The following SNX8 variants were observed in gnomAD, a reference collection of about 807,000 sequenced individuals.
SNX8 encodes the protein sorting nexin-8.
SNX8 carries 25 observed loss-of-function variants against 51.6 expected under a neutral mutation model. The ratio of observed to expected loss-of-function variants is 0.48; its 90% CI spans 0.35 to 0.68. The LOEUF (loss-of-function observed/expected upper bound fraction) is 0.68, where lower values mean the gene tolerates loss of function less well. SNX8 is among the 30% of genes least tolerant of loss of function. The pLI is 0.00. For missense variants in SNX8, 695 were observed against 624.0 expected, an observed-to-expected ratio of 1.11 and a Z score of -1.21; for synonymous variants, 324 against 277.0, an observed-to-expected ratio of 1.17 and a Z score of -1.68.
chr7:2,310,017 T>C (rs1584730408), intron 1 of SNX8: 1 of 381,434 alleles, frequency 2.6e-6, no homozygotes, highest in East Asian at 7.3e-5. Flanking sequence ...ATGTATGGAA[T>C]GCCATGGGAT....
chr7:2,276,486 C>T (rs1294995585), intron 2 of SNX8, among the ~76,000 whole-genome samples: 4 of 152,126 alleles, frequency 2.6e-5, no homozygotes, highest in Admixed American at 6.5e-5. Context: ...GCAGAGCAGA[C>T]GGCAGGGAGG....
intron 1 of SNX8, among the ~76,000 whole-genome samples, chr7:2,285,037 C>A (rs1038405398): frequency 4.0e-5 from 6 of 151,876 alleles, no homozygotes; most frequent in Non-Finnish European, 8.8e-5. Context: ...ACGATGAAAC[C>A]TCATCTCTTC....
chr7:2,288,460 G>A (rs901572083), intron 1 of SNX8: 1 of 165,970 alleles, frequency 6.0e-6, no homozygotes, highest in Non-Finnish European at 1.5e-5. Context: ...AATTTACAGT[G>A]AAAATACACA....
Position 2,254,805 on chromosome 7 carries a change from A to C in SNX8, c.*251T>G, listed in dbSNP as rs1396917977. On this transcript the variant is annotated 3_prime_UTR_variant, in exon 11 of 11. Transcript: ENST00000222990. ...GCACAGCTCTGGGTGTCAGGAGGAAACCATTCCAGAGAACCCCACCACCTC... is the reference window on the plus strand; with the variant it reads ...GCACAGCTCTGGGTGTCAGGAGGAACCCATTCCAGAGAACCCCACCACCTC... 2 of 559,138 alleles carry C rather than the reference A, an allele frequency of 3.6e-6. No individual in the cohort carries two copies. Among genetic ancestry groups the C allele is most frequent in the Non-Finnish European group, 6.4e-6 (2 of 312,380 alleles). The allele number at this position is 559,138 out of a possible 1,614,324, so 34.6% of individuals were successfully genotyped here. A position where few individuals can be genotyped will look rare whatever the true frequency, so the allele number is the denominator to read the frequency against.
intron 7 of SNX8, among the ~76,000 whole-genome samples, chr7:2,259,658 T>G (rs1795289077): frequency 6.6e-6 from 1 of 152,124 alleles, no homozygotes; most frequent in African/African-American, 2.4e-5. Context: ...TTCCAGCCAG[T>G]AAAATGTGCC....
intron 1 of SNX8, among the ~76,000 whole-genome samples, chr7:2,333,949 C>T (rs1778782136): frequency 6.6e-6 from 1 of 151,398 alleles, no homozygotes. Context: ...CCAGTCTGGG[C>T]AACATAGGGA....
At chr7:2,308,844 C>T (rs1796605101) in intron 1 of SNX8, among the ~76,000 whole-genome samples, 1 of 149,844 alleles carries the variant, frequency 6.7e-6, no homozygotes, top group Non-Finnish European at 1.5e-5. Flanking sequence ...AGCGCGGCAC[C>T]ATCTCGGCTC....
At chr7:2,319,802 G>T (rs192742608) in intron 1 of SNX8, among the ~76,000 whole-genome samples, 1 of 133,526 alleles carries the variant, frequency 7.5e-6, no homozygotes, top group African/African-American at 2.8e-5. Flanking sequence ...GCGACAGAGC[G>T]AGACTCCGTC....
chr7:2,347,882 G>C (rs1209720607), intron 1 of SNX8, among the ~76,000 whole-genome samples: 1 of 124,868 alleles, frequency 8.0e-6, no homozygotes, highest in Non-Finnish European at 1.7e-5. Flanking sequence ...GACCTCAGGT[G>C]ATCTGCCCGC....
intron 1 of SNX8, among the ~76,000 whole-genome samples, chr7:2,323,379 G>T (rs553418324): frequency 6.6e-6 from 1 of 151,310 alleles, no homozygotes; most frequent in South Asian, 2.1e-4. Context: ...ACTAATAATG[G>T]GTAATGCATT....
At chr7:2,270,626 C>T (rs950395967) in intron 4 of SNX8, among the ~76,000 whole-genome samples, 4 of 152,054 alleles carry the variant, frequency 2.6e-5, no homozygotes, top group Non-Finnish European at 5.9e-5. Context: ...CATTCCTCTG[C>T]TGGCAATGCA....
intron 1 of SNX8, among the ~76,000 whole-genome samples, chr7:2,301,798 C>T (rs556152719): frequency 6.6e-6 from 1 of 152,276 alleles, no homozygotes; most frequent in East Asian, 1.9e-4. Context: ...CTGCCTCCAG[C>T]GTCGAGTTCT....
At chr7:2,283,337 G>T (rs544408029) in intron 1 of SNX8, among the ~76,000 whole-genome samples, 8 of 152,296 alleles carry the variant, frequency 5.3e-5, no homozygotes, top group African/African-American at 1.9e-4. Flanking sequence ...GGACTGGCCC[G>T]CACACTACTT....
intron 1 of SNX8, among the ~76,000 whole-genome samples, chr7:2,293,867 G>A (rs1796210586): frequency 6.6e-6 from 1 of 151,940 alleles, no homozygotes; most frequent in Non-Finnish European, 1.5e-5. Flanking sequence ...GGAGGCTGAG[G>A]CAGAACTGCT....
intron 1 of SNX8, among the ~76,000 whole-genome samples, chr7:2,306,906 A>G (rs1796556160): frequency 6.6e-6 from 1 of 152,216 alleles, no homozygotes; most frequent in African/African-American, 2.4e-5. Flanking sequence ...CCTGGAAAAT[A>G]ACGTAACTGG....
chr7:2,341,166 TAA>T (rs879782823), intron 1 of SNX8, among the ~76,000 whole-genome samples: 10 of 122,874 alleles, frequency 8.1e-5, no homozygotes, highest in Admixed American at 2.5e-4. Flanking sequence ...GATCTTCTCT[TAA>T]AAAAAAAAAA....
intron 1 of SNX8, among the ~76,000 whole-genome samples, chr7:2,297,947 G>C (rs1170447987): frequency 6.6e-6 from 1 of 151,778 alleles, no homozygotes; most frequent in African/African-American, 2.4e-5. Flanking sequence ...CATTATTTTG[G>C]TGACAAGTAC....
chr7:2,264,722 A>T (rs1278616603), intron 5 of SNX8, among the ~76,000 whole-genome samples: 1 of 152,208 alleles, frequency 6.6e-6, no homozygotes, highest in Non-Finnish European at 1.5e-5. Flanking sequence ...ATCTCATCAC[A>T]CTGGAGGACC....
intron 1 of SNX8, among the ~76,000 whole-genome samples, chr7:2,330,662 C>G (rs1412824520): frequency 6.6e-6 from 1 of 152,030 alleles, no homozygotes; most frequent in Non-Finnish European, 1.5e-5. Context: ...TATCTCCAGG[C>G]AGACAGTCTC....
Sources: allele counts gnomAD v4.1 joint callset (sites outside exome capture counted in the v4.1 genomes callset), GRCh38; gene constraint gnomAD v4.1.1; transcripts MANE v1.5; gene names NCBI Gene and HGNC (gene_info 2026-07-23, HGNC 2026-07-21).